AGBL1: variants seen among roughly 807,000 people sequenced by gnomAD.
AGBL1 encodes AGBL carboxypeptidase 1.
AGBL1 carries 130 observed loss-of-function variants against 118.9 expected under a neutral mutation model. The observed-to-expected ratio is 1.09, with a 90% confidence interval of 0.95 to 1.26. The LOEUF (loss-of-function observed/expected upper bound fraction) is 1.26, where lower values mean the gene tolerates loss of function less well. Ranked by LOEUF, AGBL1 falls within the 50% of genes most tolerant of loss-of-function variation. The pLI is 0.00. For missense variants in AGBL1, 1,584 were observed against 1,298.1 expected, an observed-to-expected ratio of 1.22 and a Z score of -3.38; for synonymous variants, 555 against 478.9, an observed-to-expected ratio of 1.16 and a Z score of -2.08.
At chr15:86,938,495 T>C (rs1164684949) in intron 23 of AGBL1, among the ~76,000 whole-genome samples, 2 of 152,204 alleles carry the variant, frequency 1.3e-5, no homozygotes, top group African/African-American at 2.4e-5. Context: ...TCATGGGATT[T>C]TCTAATTCAG....
At chr15:86,780,668 T>TTC (rs1196841282) in intron 22 of AGBL1, among the ~76,000 whole-genome samples, 1 of 151,530 alleles carries the variant, frequency 6.6e-6, no homozygotes, top group Non-Finnish European at 1.5e-5. Flanking sequence ...TTTTTTTTTT[T>TTC]TTTCTTTTGG....
intron 18 of AGBL1, among the ~76,000 whole-genome samples, chr15:86,454,477 C>T (rs546526009): frequency 5.1e-4 from 78 of 152,092 alleles, no homozygotes; most frequent in Admixed American, 9.2e-4. Context: ...TCATAATCAC[C>T]CCAAACTGAG....
At chr15:86,526,534 T>C (rs924302325) in intron 19 of AGBL1, among the ~76,000 whole-genome samples, 9 of 76,884 alleles carry the variant, frequency 1.2e-4, no homozygotes, top group Non-Finnish European at 5.0e-5. Flanking sequence ...ACAGATATGT[T>C]TGTGTCTGTG....
chr15:86,346,639 A>G (rs573220040), intron 17 of AGBL1, among the ~76,000 whole-genome samples: 15 of 152,176 alleles, frequency 9.9e-5, no homozygotes, highest in African/African-American at 2.9e-4. Flanking sequence ...GTGAGCCACC[A>G]CGCCCGGCCA....
chr15:86,826,403 T>C (rs1483947355), intron 22 of AGBL1, among the ~76,000 whole-genome samples: 1 of 152,090 alleles, frequency 6.6e-6, no homozygotes, highest in African/African-American at 2.4e-5. Context: ...ATGGAAATAT[T>C]AGAATTGATT....
chr15:87,011,580 A>G (rs1275660182), intron 24 of AGBL1, among the ~76,000 whole-genome samples: 4 of 152,102 alleles, frequency 2.6e-5, no homozygotes, highest in Admixed American at 6.5e-5. Flanking sequence ...AAAATATTGC[A>G]TTTTCAGTAT....
intron 21 of AGBL1, among the ~76,000 whole-genome samples, chr15:86,569,167 C>T (rs983038818): frequency 6.6e-6 from 1 of 152,120 alleles, no homozygotes; most frequent in Non-Finnish European, 1.5e-5. Context: ...CGCAATGGCT[C>T]ATGCCTGTTA....
At chr15:86,858,463 G>GGTTGT (rs1555457466) in intron 22 of AGBL1, among the ~76,000 whole-genome samples, 50 of 147,168 alleles carry the variant, frequency 3.4e-4, no homozygotes, top group Non-Finnish European at 5.4e-4. Flanking sequence ...CCTTTCAGGT[G>GGTTGT]GTGTGTGTGT....
rs368582594 is a variant in AGBL1 at position 86,909,489 on chromosome 15, AAT to A, written c.*2197_*2198del. ...GATTTTGGGAGTTGATAACATTATT[AAT>A]AGTCTCTTATTTTTTTAACTCTTTT... On this transcript the variant is annotated 3_prime_UTR_variant, in exon 23 of 23. Coordinates refer to ENST00000614907, the MANE Select transcript of AGBL1 (RefSeq NM_001386094.1). The A allele has an allele frequency of 7.4e-4, 113 of 152,362 alleles. No homozygotes were observed. Among genetic ancestry groups the A allele is most frequent in the African/African-American group, 2.6e-3 (107 of 41,588 alleles). 9.4% of individuals were successfully genotyped at this position (152,362 alleles called of 1,614,324 possible).
chr15:86,262,594 CTT>C (rs1283047351), intron 9 of AGBL1, 182 bp from the exon 10 acceptor site: 1 of 666,866 alleles, frequency 1.5e-6, no homozygotes, highest in Non-Finnish European at 2.7e-6. Context: ...CCTTTATCTT[CTT>C]TCTTTTTATT....
chr15:86,096,852 G>A (rs1051242814), intron 1 of AGBL1, among the ~76,000 whole-genome samples: 1 of 152,176 alleles, frequency 6.6e-6, no homozygotes, highest in Non-Finnish European at 1.5e-5. Flanking sequence ...CTGATCTGAA[G>A]TCAAATGCTC....
At chr15:86,213,911 A>T (rs1443169040) in intron 5 of AGBL1, among the ~76,000 whole-genome samples, 1 of 152,084 alleles carries the variant, frequency 6.6e-6, no homozygotes, top group East Asian at 1.9e-4. Flanking sequence ...TTAAGCAATA[A>T]CTTCCCACTC....
At chr15:86,347,417 G>A (rs2080555206) in intron 17 of AGBL1, among the ~76,000 whole-genome samples, 1 of 152,212 alleles carries the variant, frequency 6.6e-6, no homozygotes, top group South Asian at 2.1e-4. Context: ...TTACGTCCTA[G>A]TAGACTGAGC....
In AGBL1 at chr15:86,802,711, C is replaced by G. The variant is rs16977999; in HGVS notation, c.3159-104376C>G. Among the ~76,000 whole-genome samples, 1,303 of 152,216 alleles carry G rather than the reference C, an allele frequency of 8.6e-3. 25 individuals carry two copies. The highest frequency in any genetic ancestry group is 0.03 in the African/African-American group (1,232 of 41,558). On this transcript the variant is annotated intron_variant, in intron 22 of 22. Coordinates refer to ENST00000614907, the MANE Select transcript of AGBL1 (RefSeq NM_001386094.1). ...ACAAACATGAAATCTCAATATTGTG[C>G]TATAAATGCAATTCATGGAGCTACT...
At chr15:86,489,963 GTATATA>G (rs1403462481) in intron 18 of AGBL1, among the ~76,000 whole-genome samples, 1 of 152,056 alleles carries the variant, frequency 6.6e-6, no homozygotes, top group Non-Finnish European at 1.5e-5. Flanking sequence ...AAGTGGAGCA[GTATATA>G]AAACATAAAA....
At chr15:86,719,732 T>G (rs1324180992) in intron 22 of AGBL1, among the ~76,000 whole-genome samples, 2 of 152,204 alleles carry the variant, frequency 1.3e-5, no homozygotes, top group African/African-American at 4.8e-5. Context: ...CCAACTTCAG[T>G]TTAATTACCA....
At chr15:86,921,070 G>C (rs2080477349), downstream of AGBL1, among the ~76,000 whole-genome samples, 1 of 152,190 alleles carries the variant, frequency 6.6e-6, no homozygotes, top group African/African-American at 2.4e-5. Context: ...TTTAAAGGAA[G>C]GGAGGCAGAG....
intron 22 of AGBL1, among the ~76,000 whole-genome samples, chr15:86,716,499 A>T (rs2034634): frequency 0.37 from 56,196 of 151,964 alleles, 11,112 homozygotes; most frequent in Non-Finnish European, 0.44. Flanking sequence ...TCACTGCTTA[A>T]AATTTCTACA....
chr15:86,142,015 C>G lies in AGBL1; in HGVS notation c.63C>G (p.Asp21Glu), dbSNP rs1339494931. 23 of 1,550,134 alleles carry G rather than the reference C, an allele frequency of 1.5e-5. No homozygotes were observed. Among genetic ancestry groups the G allele is most frequent in the Non-Finnish European group, 2.0e-5 (23 of 1,146,762 alleles). Residue 21 changes from aspartate (D) to glutamate (E), a missense_variant, in exon 2 of 23, where the codon GAC becomes GAG. Asp to Glu is a conservative substitution (Grantham distance 45). Transcript: ENST00000614907. ...VLLHTLQSSS[D>E]KESILTILKV... is the part of the protein sequence containing the mutation. ...TGTTCTCATTGCAGAGCTCCTCTGA[C>G]AAGGAGTCCATCCTGACCATCCTCA...
Sources: allele counts gnomAD v4.1 joint callset (sites outside exome capture counted in the v4.1 genomes callset), GRCh38; gene constraint gnomAD v4.1.1; transcripts MANE v1.5; gene names NCBI Gene and HGNC (gene_info 2026-07-23, HGNC 2026-07-21).